The following RANBP2 variants were observed in gnomAD, a reference collection of about 807,000 sequenced individuals.
RANBP2 encodes the protein RAN binding protein 2, also known as E3 SUMO-protein ligase RanBP2.
In RANBP2, 57 loss-of-function variants were observed where a neutral mutation model predicts 303.6. The ratio of observed to expected loss-of-function variants is 0.19; its 90% CI spans 0.15 to 0.23. The LOEUF (loss-of-function observed/expected upper bound fraction) is 0.23. Among genes scored for constraint, RANBP2 ranks in the 10% least tolerant of loss-of-function variants. The pLI, the probability that RANBP2 is intolerant of heterozygous loss-of-function variation, is 1.00. For missense variants in RANBP2, 3,138 were observed against 3,780.8 expected (o/e 0.83, Z 4.46); for synonymous variants, 1,167 against 1,301.5 (o/e 0.90, Z 2.23).
At chr2:109,166,281 A>T in the RANBP2 span, among the ~76,000 whole-genome samples, 1 of 152,020 alleles carries the variant, frequency 6.6e-6, no homozygotes, top group East Asian at 1.9e-4. Context: ...GATCGAGACC[A>T]TCCTGGCCAA....
the RANBP2 span, chr2:108,798,480 G>C: frequency 1.2e-5 from 19 of 1,613,704 alleles, no homozygotes; most frequent in East Asian, 4.2e-4. Context: ...AAGCGAGAAC[G>C]TTTTTTACTT....
chr2:108,904,286 C>T, the RANBP2 span, among the ~76,000 whole-genome samples: 2 of 152,138 alleles, frequency 1.3e-5, no homozygotes, highest in Non-Finnish European at 2.9e-5. Flanking sequence ...CTCAGAATAG[C>T]TAAAACAAAA....
the RANBP2 span, among the ~76,000 whole-genome samples, chr2:109,328,786 A>C: frequency 6.6e-6 from 1 of 152,128 alleles, no homozygotes; most frequent in African/African-American, 2.4e-5. Flanking sequence ...GTTCATGACC[A>C]CTTTGGTGGC....
chr2:108,898,000 CAAAAATCTGGA>C, the RANBP2 span, among the ~76,000 whole-genome samples: 1 of 152,034 alleles, frequency 6.6e-6, no homozygotes, highest in Non-Finnish European at 1.5e-5. Context: ...CAGAAAAGTC[CAAAAATCTGGA>C]AATAATAGCA....
chr2:109,550,302 A>C, the RANBP2 span, among the ~76,000 whole-genome samples: 1 of 151,550 alleles, frequency 6.6e-6, no homozygotes, highest in African/African-American at 2.4e-5. Flanking sequence ...AAAAACAAAA[A>C]AAAAGTATCT....
At chr2:109,614,463 G>T in the RANBP2 span, 1 of 1,213,730 alleles carries the variant, frequency 8.2e-7, no homozygotes, top group Non-Finnish European at 1.0e-6. Flanking sequence ...TGAGCCGCCC[G>T]CTGGCGGGGG....
chr2:109,159,369 A>G, the RANBP2 span, among the ~76,000 whole-genome samples: 1 of 152,222 alleles, frequency 6.6e-6, no homozygotes, highest in African/African-American at 2.4e-5. Flanking sequence ...GCGAGGGTGT[A>G]TGCGTGCAGA....
chr2:109,149,985 A>G, the RANBP2 span, among the ~76,000 whole-genome samples: 3 of 152,042 alleles, frequency 2.0e-5, no homozygotes, highest in Non-Finnish European at 2.9e-5. Context: ...CCCCTGGGGA[A>G]CCTCCCCAAA....
At chr2:109,497,913 C>T in the RANBP2 span, among the ~76,000 whole-genome samples, 1 of 152,212 alleles carries the variant, frequency 6.6e-6, no homozygotes, top group African/African-American at 2.4e-5. Context: ...TCCTTTCTTT[C>T]CTTGGGGAAG....
At chr2:109,552,432 T>C in the RANBP2 span, 6 of 152,258 alleles carry the variant, frequency 3.9e-5, no homozygotes, top group Admixed American at 2.0e-4. Context: ...GTTAAGATAC[T>C]TCTTAGTAAC....
the RANBP2 span, chr2:109,567,845 G>A: frequency 2.6e-5 from 42 of 1,611,382 alleles, 2 homozygotes; most frequent in African/African-American, 2.9e-4. Context: ...TAGCAATAGT[G>A]TCATCATCCG....
chr2:109,074,651 G>T, the RANBP2 span, among the ~76,000 whole-genome samples: 30 of 150,182 alleles, frequency 2.0e-4, no homozygotes, highest in African/African-American at 7.0e-4. Context: ...AGTGAGCCAA[G>T]ATCACACCGC....
the RANBP2 span, among the ~76,000 whole-genome samples, chr2:109,517,901 A>G: frequency 1.3e-5 from 2 of 152,218 alleles, no homozygotes; most frequent in South Asian, 4.1e-4. Context: ...TGTGGCCTGC[A>G]GGGTCCCAGA....
the RANBP2 span, among the ~76,000 whole-genome samples, chr2:108,946,850 C>T: frequency 1.3e-5 from 2 of 152,008 alleles, no homozygotes; most frequent in African/African-American, 2.4e-5. Flanking sequence ...TGGGTGGGGA[C>T]ACAGAGCCAA....
the RANBP2 span, among the ~76,000 whole-genome samples, chr2:108,796,689 G>A: frequency 1.5e-3 from 224 of 152,220 alleles, no homozygotes; most frequent in Admixed American, 3.9e-3. Flanking sequence ...TAGAATTGGA[G>A]GTCATTATAT....
the RANBP2 span, among the ~76,000 whole-genome samples, chr2:109,043,455 G>A: frequency 1.3e-5 from 2 of 151,968 alleles, no homozygotes; most frequent in African/African-American, 4.8e-5. Flanking sequence ...CGATTCTCCT[G>A]TCTCAGCCTC....
the RANBP2 span, among the ~76,000 whole-genome samples, chr2:109,181,033 C>T: frequency 6.6e-6 from 1 of 152,280 alleles, no homozygotes; most frequent in South Asian, 2.1e-4. Flanking sequence ...TGACAAAGTC[C>T]TTTGATGGCC....
Position 108,782,863 on chromosome 2 carries a change from G to T in RANBP2, c.9369+1G>T. On this transcript the variant is annotated splice_donor_variant, in intron 28 of 28. Transcript: ENST00000283195. LOFTEE classifies it high-confidence loss of function. Reference sequence around the variant, plus strand: ...AGTAATTCCAGATTTTGTTTGCCAAGTAGGTATTATTAAGTACATACCACA... The same window carrying T: ...AGTAATTCCAGATTTTGTTTGCCAATTAGGTATTATTAAGTACATACCACA... 1 of 1,609,822 alleles carries T rather than the reference G, an allele frequency of 6.2e-7. No individual in the cohort carries two copies. The highest frequency in any genetic ancestry group is 8.5e-7 in the Non-Finnish European group (1 of 1,177,756).
chr2:109,344,363 A>G, the RANBP2 span, among the ~76,000 whole-genome samples: 1 of 152,050 alleles, frequency 6.6e-6, no homozygotes, highest in South Asian at 2.1e-4. Context: ...GGGCAGAGGA[A>G]GTAGCATGGA....
Sources: gnomAD v4.1 joint callset for allele counts (sites outside exome capture counted in the v4.1 genomes callset) on GRCh38, gnomAD v4.1.1 for gene constraint, MANE v1.5 for transcripts, NCBI Gene and HGNC (gene_info 2026-07-23, HGNC 2026-07-21) for gene names.